The following CCDC192 variants were observed in gnomAD, a reference collection of about 807,000 sequenced individuals.
CCDC192 encodes the protein coiled-coil domain containing 192.
At chr5:127,713,696 CTGT>C (rs995760450) in intron 2 of CCDC192, among the ~76,000 whole-genome samples, 4 of 151,896 alleles carry the variant, frequency 2.6e-5, no homozygotes, top group African/African-American at 9.7e-5. Flanking sequence ...GGATTTTTTC[CTGT>C]TGTTTTCATC....
intron 3 of CCDC192, among the ~76,000 whole-genome samples, chr5:127,776,681 A>G (rs891707665): frequency 3.3e-5 from 5 of 152,146 alleles, no homozygotes; most frequent in Admixed American, 1.3e-4. Context: ...AAATGGTTTC[A>G]TGGACTGGGC....
At chr5:127,750,426 G>T (rs1444847998) in intron 2 of CCDC192, among the ~76,000 whole-genome samples, 118 of 152,214 alleles carry the variant, frequency 7.8e-4, no homozygotes, top group Middle Eastern at 3.4e-3. Context: ...GAGGGGTTTT[G>T]AGTGAGATTC....
chr5:127,909,633 A>G (rs1333937383), intron 6 of CCDC192, among the ~76,000 whole-genome samples: 2 of 152,172 alleles, frequency 1.3e-5, no homozygotes, highest in East Asian at 1.9e-4. Flanking sequence ...GTTAATGGAA[A>G]AAAAAAACTA....
intron 3 of CCDC192, chr5:127,786,018 A>T: frequency 1.7e-6 from 1 of 605,096 alleles, no homozygotes; most frequent in East Asian, 2.8e-5. Flanking sequence ...CCTGATTATG[A>T]ATCTGTGTCT....
intron 6 of CCDC192, among the ~76,000 whole-genome samples, chr5:127,920,341 G>GATGATGATCATCATTATGATCATCAATC (rs1753671602): frequency 7.3e-5 from 11 of 150,366 alleles, no homozygotes; most frequent in Admixed American, 7.3e-4. Flanking sequence ...CATCATCAAT[G>GATGATGATCATCATTATGATCATCAATC]ATGATGATCA....
chr5:127,749,359 T>G (rs1208925876), intron 2 of CCDC192, among the ~76,000 whole-genome samples: 1 of 152,346 alleles, frequency 6.6e-6, no homozygotes, highest in East Asian at 1.9e-4. Flanking sequence ...TTTCTGCATC[T>G]ATTGAGATAA....
intron 3 of CCDC192, among the ~76,000 whole-genome samples, chr5:127,783,533 GGC>G (rs1756363279): frequency 1.3e-5 from 2 of 152,072 alleles, no homozygotes; most frequent in Non-Finnish European, 2.9e-5. Flanking sequence ...CTCATTTTGT[GGC>G]CTATTATATG....
intron 3 of CCDC192, among the ~76,000 whole-genome samples, chr5:127,756,610 C>G (rs1754614221): frequency 6.6e-6 from 1 of 152,148 alleles, no homozygotes; most frequent in Non-Finnish European, 1.5e-5. Flanking sequence ...GTGATGTTAT[C>G]CCCAGGAGCA....
At position 127,828,138 on chromosome 5, in the gene CCDC192, C is replaced by T. The variant is rs543916857; in HGVS notation, c.411+29976C>T. On this transcript the variant is annotated intron_variant, in intron 5 of 6. Coordinates refer to ENST00000514853, the MANE Select transcript of CCDC192 (RefSeq NM_001317938.2). ...GCCAGGCTGGTCTCAAACTCCTGAC[C>T]GCAGGTGGTCTGCCCACCTCGGCTT... 1.3e-4 allele frequency among the ~76,000 whole-genome samples: 20 copies of T among 152,260 alleles called. 1 individual carries two copies. In the South Asian group the frequency reaches 3.5e-3, roughly 27 times the overall value.
At chr5:127,766,608 TAAA>T (rs548715145) in intron 3 of CCDC192, among the ~76,000 whole-genome samples, 28,490 of 98,664 alleles carry the variant, frequency 0.29, 4,274 homozygotes, top group South Asian at 0.41. Flanking sequence ...ACGTCCTGTG[TAAA>T]AAAAAAAAAA....
At chr5:127,831,715 CAT>C (rs144166351) in intron 5 of CCDC192, among the ~76,000 whole-genome samples, 1,642 of 152,078 alleles carry the variant, frequency 0.011, 21 homozygotes, top group South Asian at 0.042. Flanking sequence ...TTAATATAAA[CAT>C]AATTAAAAAT....
chr5:127,789,248 T>C (rs1756733671), intron 3 of CCDC192, among the ~76,000 whole-genome samples: 1 of 152,196 alleles, frequency 6.6e-6, no homozygotes, highest in Admixed American at 6.5e-5. Context: ...GATATTTCCA[T>C]GAAGGGGCTG....
At chr5:127,859,277 A>G (rs1751252228) in intron 5 of CCDC192, among the ~76,000 whole-genome samples, 1 of 152,238 alleles carries the variant, frequency 6.6e-6, no homozygotes, top group African/African-American at 2.4e-5. Flanking sequence ...AAATAATAAA[A>G]CATGTTTGTT....
chr5:127,743,451 G>C (rs1246920929), intron 2 of CCDC192, among the ~76,000 whole-genome samples: 1 of 152,152 alleles, frequency 6.6e-6, no homozygotes, highest in East Asian at 1.9e-4. Context: ...ATTTAAAGAT[G>C]AAAATGTTGA....
Position 127,749,165 on chromosome 5 carries a change from G to A in CCDC192, c.115-5103G>A, listed in dbSNP as rs1040593902. 2.2e-3 allele frequency among the ~76,000 whole-genome samples: 338 copies of A among 152,002 alleles called. 1 individual carries two copies. Among genetic ancestry groups the A allele is most frequent in the African/African-American group, 6.5e-3 (271 of 41,538 alleles). Reference sequence around the variant, plus strand: ...CAACACTATGTTGAATAGGAGTGGTGAGAGAGGGCATCCCTGTCTTGTCCC... The same window carrying A: ...CAACACTATGTTGAATAGGAGTGGTAAGAGAGGGCATCCCTGTCTTGTCCC... On this transcript the variant is annotated intron_variant, in intron 2 of 6. Transcript: ENST00000514853.
intron 5 of CCDC192, among the ~76,000 whole-genome samples, chr5:127,841,538 C>A (rs1254973260): frequency 1.3e-5 from 2 of 152,030 alleles, no homozygotes; most frequent in Admixed American, 6.6e-5. Flanking sequence ...TGGTAGATTT[C>A]TTTGAATACT....
At chr5:127,714,086 T>C (rs1395703462) in intron 2 of CCDC192, among the ~76,000 whole-genome samples, 3 of 152,236 alleles carry the variant, frequency 2.0e-5, no homozygotes, top group Non-Finnish European at 2.9e-5. Context: ...AGTAAGATTA[T>C]GCAGTATTTG....
intron 5 of CCDC192, among the ~76,000 whole-genome samples, chr5:127,873,716 T>C (rs764710667): frequency 6.6e-6 from 1 of 152,152 alleles, no homozygotes; most frequent in Non-Finnish European, 1.5e-5. Context: ...AAAAAGAAAG[T>C]GTAGAAATTT....
intron 5 of CCDC192, among the ~76,000 whole-genome samples, chr5:127,838,880 TG>T (rs1750151975): frequency 6.6e-6 from 1 of 152,224 alleles, no homozygotes; most frequent in Non-Finnish European, 1.5e-5. Flanking sequence ...CAGCAAAGAC[TG>T]TCGCTGGGGT....
Sources: gnomAD v4.1 joint callset for allele counts (sites outside exome capture counted in the v4.1 genomes callset) on GRCh38, gnomAD v4.1.1 for gene constraint, MANE v1.5 for transcripts, NCBI Gene and HGNC (gene_info 2026-07-23, HGNC 2026-07-21) for gene names.